The following ATP10A variants were observed in gnomAD, a reference collection of about 807,000 sequenced individuals.
ATP10A encodes phospholipid-transporting ATPase VA.
Under a neutral mutation model 147.8 loss-of-function variants are expected in ATP10A, and 111 were observed. That is an observed-to-expected ratio of 0.75 (90% CI 0.64 to 0.88). The LOEUF is 0.88. Ranked by LOEUF, ATP10A falls within the 40% of genes least tolerant of loss-of-function variation. ATP10A has a pLI of 0.00. For synonymous variants in ATP10A, 875 were observed against 841.6 expected (o/e 1.04, Z -0.69); for missense variants, 1,927 against 1,959.0 (o/e 0.98, Z 0.31).
At chr15:25,740,888 C>G (rs377720325) in intron 2 of ATP10A, among the ~76,000 whole-genome samples, 73 of 152,362 alleles carry the variant, frequency 4.8e-4, no homozygotes, top group African/African-American at 1.7e-3. Flanking sequence ...CTGACCTCCT[C>G]GGCTACCATC....
chr15:25,836,186 T>C (rs1476049436), intron 1 of ATP10A, among the ~76,000 whole-genome samples: 2 of 152,108 alleles, frequency 1.3e-5, no homozygotes. Context: ...TCACCTCGAG[T>C]GATCATCTTG....
intron 2 of ATP10A, among the ~76,000 whole-genome samples, chr15:25,739,882 C>T (rs1406306060): frequency 1.3e-5 from 2 of 152,190 alleles, no homozygotes; most frequent in Non-Finnish European, 2.9e-5. Context: ...ACAGAGAGCC[C>T]TCCAGCCCTG....
chr15:25,809,285 GT>G (rs1481139833), intron 1 of ATP10A, among the ~76,000 whole-genome samples: 1 of 152,148 alleles, frequency 6.6e-6, no homozygotes, highest in Admixed American at 6.5e-5. Context: ...AGGAGCATAC[GT>G]CGGGCGGGGT....
chr15:25,788,960 G>A (rs940087380), intron 1 of ATP10A, among the ~76,000 whole-genome samples: 4 of 152,018 alleles, frequency 2.6e-5, no homozygotes, highest in African/African-American at 7.3e-5. Flanking sequence ...GTTATTTTGC[G>A]GGGATGTTTG....
chr15:25,827,478 T>C (rs1319380047), intron 1 of ATP10A, among the ~76,000 whole-genome samples: 2 of 152,342 alleles, frequency 1.3e-5, no homozygotes, highest in East Asian at 1.9e-4. Context: ...CAAGATGTAA[T>C]TGACAGGACT....
intron 2 of ATP10A, among the ~76,000 whole-genome samples, chr15:25,763,839 CATTTT>C (rs1362239986): frequency 6.6e-6 from 1 of 152,142 alleles, no homozygotes; most frequent in Non-Finnish European, 1.5e-5. Flanking sequence ...AACACCGTTT[CATTTT>C]ATTTTATTTA....
intron 2 of ATP10A, among the ~76,000 whole-genome samples, chr15:25,749,965 G>A (rs1192752513): frequency 6.6e-6 from 1 of 152,060 alleles, no homozygotes; most frequent in Non-Finnish European, 1.5e-5. Context: ...AGAGAGGATT[G>A]GTAAGTTGTA....
Position 25,862,888 on chromosome 15 carries a change from G to A in ATP10A, c.209C>T (p.Thr70Met), listed in dbSNP as rs768569410. 1.2e-6 allele frequency: 2 copies of A among 1,611,776 alleles called. No homozygotes were observed. The highest frequency in any genetic ancestry group is 2.7e-5 in the African/African-American group (2 of 74,890). Residue 70 changes from threonine (T) to methionine (M), a missense_variant, in exon 1 of 21, where the codon ACG becomes ATG. By Grantham distance (81) the Thr-to-Met change is moderately conservative. Coordinates refer to ENST00000555815, the MANE Select transcript of ATP10A (RefSeq NM_024490.4). ...GTTCTTGGGCAGGAAGGACAGCAGC[G>A]TGTACTTGGTAGTCTTGAGCCGGTT... ...ADNRLKTTKY[T>M]LLSFLPKNLF...
At chr15:25,848,443 T>A (rs968556704) in intron 1 of ATP10A, among the ~76,000 whole-genome samples, 8 of 152,106 alleles carry the variant, frequency 5.3e-5, no homozygotes, top group African/African-American at 1.4e-4. Context: ...CTTGTGCCAC[T>A]GCACCGGCTA....
intron 17 of ATP10A, 64 bp from the exon 18 acceptor site, chr15:25,681,138 A>G (rs1171399926): frequency 1.3e-6 from 2 of 1,521,732 alleles, no homozygotes; most frequent in Middle Eastern, 1.7e-4. Context: ...GAAAGCAGTT[A>G]GAATAAAAAT....
intron 1 of ATP10A, 22 bp from the exon 2 acceptor site, chr15:25,781,245 A>G (rs1889907123): frequency 6.3e-7 from 1 of 1,591,800 alleles, no homozygotes; most frequent in East Asian, 2.3e-5. Context: ...ATTTTGATTA[A>G]CAAAACTCAC....
In ATP10A at chr15:25,725,941, G is replaced by T; in HGVS notation, c.979+10C>A. ...CCCCCACTCATTTCCGATCCATCTA[G>T]GAGACTTACCGACTGCTGAAAACAG... On this transcript the variant is annotated intron_variant, in intron 5 of 20. Coordinates refer to ENST00000555815, the MANE Select transcript of ATP10A (RefSeq NM_024490.4). The T allele has an allele frequency of 6.2e-7, 1 of 1,611,722 alleles. No individual in the cohort carries two copies. Among genetic ancestry groups the T allele is most frequent in the South Asian group, 1.1e-5 (1 of 90,884 alleles).
At chr15:25,855,404 A>G (rs1893468600) in intron 1 of ATP10A, among the ~76,000 whole-genome samples, 1 of 152,222 alleles carries the variant, frequency 6.6e-6, no homozygotes, top group Non-Finnish European at 1.5e-5. Context: ...CAACAGACGT[A>G]GAAAAAGCCT....
In ATP10A at chr15:25,696,972, G is replaced by C. The variant is rs1056114038; in HGVS notation, c.2761-1826C>G. Among the ~76,000 whole-genome samples, 6 of 152,170 alleles carry C rather than the reference G, an allele frequency of 3.9e-5. No individual in the cohort carries two copies. In the East Asian group the frequency reaches 1.2e-3, roughly 29 times the overall value. On this transcript the variant is annotated intron_variant, in intron 13 of 20. Coordinates refer to ENST00000555815, the MANE Select transcript of ATP10A (RefSeq NM_024490.4). ...TCTGTCTTCTATTCTGCCCCCACTTGGCGCTGGATGCAGGAGAAGGGCAGG... is the reference window on the plus strand; with the variant it reads ...TCTGTCTTCTATTCTGCCCCCACTTCGCGCTGGATGCAGGAGAAGGGCAGG...
intron 10 of ATP10A, chr15:25,710,471 T>A (rs980408008): frequency 2.6e-5 from 4 of 152,136 alleles, no homozygotes; most frequent in African/African-American, 9.7e-5. Context: ...GGGCTGCACC[T>A]GATGTTCCCA....
chr15:25,767,609 C>T (rs1889096317), intron 2 of ATP10A, among the ~76,000 whole-genome samples: 1 of 152,218 alleles, frequency 6.6e-6, no homozygotes, highest in African/African-American at 2.4e-5. Flanking sequence ...GAGCCTGGAG[C>T]ACCCCAGTGC....
chr15:25,765,636 G>A (rs1246600428), intron 2 of ATP10A, among the ~76,000 whole-genome samples: 1 of 152,196 alleles, frequency 6.6e-6, no homozygotes, highest in Non-Finnish European at 1.5e-5. Flanking sequence ...AGCTCGGGCT[G>A]GAAGCTCCCA....
chr15:25,788,002 C>T (rs1197608659), intron 1 of ATP10A, among the ~76,000 whole-genome samples: 1 of 152,130 alleles, frequency 6.6e-6, no homozygotes, highest in Non-Finnish European at 1.5e-5. Context: ...CCCGCTAGGG[C>T]AGGGTAGCTG....
chr15:25,721,626 T>C (rs2140422808), intron 7 of ATP10A, 31 bp downstream of exon 7: 1 of 1,599,546 alleles, frequency 6.3e-7, no homozygotes, highest in East Asian at 2.2e-5. Flanking sequence ...TGGTTCAGCC[T>C]GGGTTGGGAG....
Sources: gnomAD v4.1 joint callset for allele counts (sites outside exome capture counted in the v4.1 genomes callset) on GRCh38, gnomAD v4.1.1 for gene constraint, MANE v1.5 for transcripts, NCBI Gene and HGNC (gene_info 2026-07-23, HGNC 2026-07-21) for gene names.